SETD3: variants seen among roughly 807,000 people sequenced by gnomAD.
SETD3 encodes SET domain containing 3, actin N3(tau)-histidine methyltransferase, also known as actin-histidine N-methyltransferase.
In SETD3, 19 loss-of-function variants were observed where a neutral mutation model predicts 63.0. The ratio of observed to expected loss-of-function variants is 0.30; its 90% CI spans 0.21 to 0.44. SETD3 has a LOEUF of 0.44. Ranked by LOEUF, SETD3 falls within the 20% of genes least tolerant of loss-of-function variation. SETD3 has a pLI of 1.00. For missense variants in SETD3, 587 were observed against 728.5 expected (o/e 0.81, Z 2.24); for synonymous variants, 286 against 264.1 (o/e 1.08, Z -0.80).
chr14:99,447,832 G>A (rs1028948728), intron 6 of SETD3, among the ~76,000 whole-genome samples: 2 of 152,190 alleles, frequency 1.3e-5, no homozygotes, highest in African/African-American at 2.4e-5. Context: ...CTCTAAGAAC[G>A]AGTATCTTTC....
intron 6 of SETD3, among the ~76,000 whole-genome samples, chr14:99,456,310 CA>C (rs907871253): frequency 5.3e-5 from 8 of 152,184 alleles, no homozygotes; most frequent in Non-Finnish European, 1.2e-4. Flanking sequence ...GATTTAATTG[CA>C]AAAAATATAA....
chr14:99,407,346 C>T (rs964499669), intron 8 of SETD3, among the ~76,000 whole-genome samples: 1 of 152,186 alleles, frequency 6.6e-6, no homozygotes, highest in Non-Finnish European at 1.5e-5. Flanking sequence ...CCTCGCGTCT[C>T]ACCTGGTCAG....
chr14:99,457,895 CACTA>C (rs1252353893), intron 6 of SETD3, among the ~76,000 whole-genome samples: 7 of 152,190 alleles, frequency 4.6e-5, no homozygotes, highest in African/African-American at 1.7e-4. Context: ...CAATATTTTA[CACTA>C]ACATATATAG....
chr14:99,456,673 T>C (rs922548407), intron 6 of SETD3, among the ~76,000 whole-genome samples: 2 of 152,218 alleles, frequency 1.3e-5, no homozygotes, highest in Non-Finnish European at 2.9e-5. Flanking sequence ...CAGGGGGTTA[T>C]GAAGACACCT....
upstream of SETD3, among the ~76,000 whole-genome samples, chr14:99,482,951 A>G (rs1326880909): frequency 6.6e-6 from 1 of 152,258 alleles, no homozygotes; most frequent in East Asian, 1.9e-4. Context: ...ATTAAATTCA[A>G]GGTAATTGAG....
intron 6 of SETD3, among the ~76,000 whole-genome samples, chr14:99,452,474 C>G (rs1187332468): frequency 6.6e-6 from 1 of 152,232 alleles, no homozygotes; most frequent in Non-Finnish European, 1.5e-5. Context: ...TAAGTGCCCA[C>G]ACTAAAAGGT....
At chr14:99,470,338 G>A (rs2139808269) in intron 1 of SETD3, among the ~76,000 whole-genome samples, 1 of 152,290 alleles carries the variant, frequency 6.6e-6, no homozygotes, top group South Asian at 2.1e-4. Context: ...GCTTATATTG[G>A]GATTCTGTCT....
chr14:99,457,845 G>A (rs1219115812), intron 6 of SETD3, among the ~76,000 whole-genome samples: 1 of 152,118 alleles, frequency 6.6e-6, no homozygotes, highest in Admixed American at 6.5e-5. Context: ...CACAGTACAC[G>A]TTGAAAAACA....
intron 6 of SETD3, among the ~76,000 whole-genome samples, chr14:99,453,881 A>G (rs946570193): frequency 6.6e-6 from 1 of 152,066 alleles, no homozygotes; most frequent in African/African-American, 2.4e-5. Context: ...ATCCCTTCAC[A>G]GCTGGTTAGT....
chr14:99,401,611 T>C (rs1891392483), intron 11 of SETD3, among the ~76,000 whole-genome samples: 1 of 152,228 alleles, frequency 6.6e-6, no homozygotes, highest in Non-Finnish European at 1.5e-5. Context: ...ACAAGCTATC[T>C]AATGTTCAAA....
chr14:99,407,960 CCTT>C (rs1163527094), intron 8 of SETD3, among the ~76,000 whole-genome samples: 1 of 152,214 alleles, frequency 6.6e-6, no homozygotes, highest in African/African-American at 2.4e-5. Flanking sequence ...ATTAAAACCT[CCTT>C]CTCAGAGTCC....
chr14:99,467,220 A>G (rs575882081), intron 1 of SETD3, among the ~76,000 whole-genome samples: 1 of 152,270 alleles, frequency 6.6e-6, no homozygotes, highest in Non-Finnish European at 1.5e-5. Flanking sequence ...TGTAAAATAC[A>G]CAGTGTCAGT....
intron 1 of SETD3, among the ~76,000 whole-genome samples, chr14:99,478,244 T>C (rs1160435656): frequency 6.6e-6 from 1 of 152,208 alleles, no homozygotes; most frequent in Non-Finnish European, 1.5e-5. Context: ...AAACATTTAA[T>C]GCCATAGCAA....
chr14:99,405,762 C>G (rs977912764), intron 9 of SETD3, among the ~76,000 whole-genome samples: 2 of 152,212 alleles, frequency 1.3e-5, no homozygotes, highest in Non-Finnish European at 2.9e-5. Context: ...TTCTTCCTGT[C>G]CTTTTAATAC....
intron 6 of SETD3, among the ~76,000 whole-genome samples, chr14:99,438,403 T>A (rs1034981865): frequency 6.6e-6 from 1 of 152,312 alleles, no homozygotes; most frequent in East Asian, 1.9e-4. Context: ...CAAAGCATAG[T>A]AGATTACCTG....
chr14:99,402,243 T>G (rs1445085479), intron 11 of SETD3, among the ~76,000 whole-genome samples: 3 of 152,174 alleles, frequency 2.0e-5, no homozygotes, highest in African/African-American at 7.2e-5. Flanking sequence ...TCCAGACCCC[T>G]AGAGCACTAA....
At chr14:99,420,912 C>A (rs1892553492) in intron 6 of SETD3, among the ~76,000 whole-genome samples, 1 of 110,466 alleles carries the variant, frequency 9.1e-6, no homozygotes, top group Non-Finnish European at 1.7e-5. Context: ...ACCACTTGTG[C>A]TGCCATTTCC....
intron 5 of SETD3, among the ~76,000 whole-genome samples, chr14:99,458,808 T>C (rs1894910980): frequency 6.8e-6 from 1 of 148,044 alleles, no homozygotes; most frequent in Non-Finnish European, 1.5e-5. Context: ...TAGCCAGATG[T>C]AGTGGTGCAC....
At chr14:99,437,837 C>CT in intron 6 of SETD3, among the ~76,000 whole-genome samples, 1 of 152,302 alleles carries the variant, frequency 6.6e-6, no homozygotes, top group Middle Eastern at 3.4e-3. Context: ...GAAATTCTTC[C>CT]TTTGTCACTA....
Sources: allele counts gnomAD v4.1 joint callset (sites outside exome capture counted in the v4.1 genomes callset), GRCh38; gene constraint gnomAD v4.1.1; transcripts MANE v1.5; gene names NCBI Gene and HGNC (gene_info 2026-07-23, HGNC 2026-07-21).